TENM3: variants seen among roughly 807,000 people sequenced by gnomAD.
The protein encoded by TENM3 is teneurin-3.
TENM3 carries 63 observed loss-of-function variants against 255.1 expected under a neutral mutation model. That is an observed-to-expected ratio of 0.25 (90% CI 0.20 to 0.30). The LOEUF (loss-of-function observed/expected upper bound fraction) is 0.30, where lower values mean the gene tolerates loss of function less well. TENM3 is among the 10% of genes least tolerant of loss of function. TENM3 has a pLI of 1.00. For synonymous variants in TENM3, 1,306 were observed against 1,322.3 expected, an observed-to-expected ratio of 0.99 and a Z score of 0.27; for missense variants, 2,929 against 3,461.1, an observed-to-expected ratio of 0.85 and a Z score of 3.86.
the TENM3 span, among the ~76,000 whole-genome samples, chr4:181,687,364 C>A: frequency 6.6e-6 from 1 of 152,144 alleles, no homozygotes; most frequent in Non-Finnish European, 1.5e-5. Context: ...TCAAAATTAG[C>A]TTGGCTGAAA....
chr4:181,834,977 G>A, the TENM3 span: 1 of 152,116 alleles, frequency 6.6e-6, no homozygotes, highest in Non-Finnish European at 1.5e-5. Flanking sequence ...TTTTGACTGA[G>A]CATTCTGCCT....
chr4:181,673,233 AAC>A, the TENM3 span, among the ~76,000 whole-genome samples: 313 of 137,726 alleles, frequency 2.3e-3, no homozygotes, highest in South Asian at 0.014. Context: ...TAGTGTCGCA[AAC>A]ATATTTCTAT....
intron 1 of TENM3, among the ~76,000 whole-genome samples, chr4:182,257,753 A>G (rs1240582791): frequency 6.6e-6 from 1 of 152,144 alleles, no homozygotes; most frequent in Non-Finnish European, 1.5e-5. Context: ...CATTTTACTG[A>G]AGAGAAATGT....
intron 3 of TENM3, among the ~76,000 whole-genome samples, chr4:182,349,024 C>G (rs1296014735): frequency 6.6e-6 from 1 of 152,136 alleles, no homozygotes; most frequent in African/African-American, 2.4e-5. Flanking sequence ...CAAGTAGTGG[C>G]TAGGAAGCAG....
At chr4:182,280,280 C>A (rs1760292770) in intron 1 of TENM3, among the ~76,000 whole-genome samples, 1 of 152,234 alleles carries the variant, frequency 6.6e-6, no homozygotes, top group Admixed American at 6.5e-5. Context: ...TCAAGGTGGG[C>A]CACATAAATT....
intron 1 of TENM3, among the ~76,000 whole-genome samples, chr4:182,214,233 G>A (rs1237893010): frequency 2.0e-5 from 3 of 152,152 alleles, no homozygotes; most frequent in Non-Finnish European, 2.9e-5. Flanking sequence ...CATCATCCTA[G>A]TTTTCACTAC....
chr4:181,599,382 C>T, the TENM3 span, among the ~76,000 whole-genome samples: 2,918 of 152,226 alleles, frequency 0.019, 95 homozygotes, highest in African/African-American at 0.066. Context: ...ACTGTAACGT[C>T]GATGGTTAAG....
At chr4:182,323,692 T>A (rs778683274) in intron 1 of TENM3, among the ~76,000 whole-genome samples, 27 of 152,172 alleles carry the variant, frequency 1.8e-4, no homozygotes, top group Non-Finnish European at 3.5e-4. Context: ...ATTTTTTTTT[T>A]GTATTAATGG....
the TENM3 span, among the ~76,000 whole-genome samples, chr4:182,008,207 T>A: frequency 4.9e-4 from 75 of 152,216 alleles, no homozygotes; most frequent in African/African-American, 1.7e-3. Context: ...TGTCTTGGGG[T>A]TGATCTTCTC....
At position 182,276,068 on chromosome 4, in the gene TENM3, C is replaced by T. The variant is rs183081065; in HGVS notation, c.-76+32592C>T. Among the ~76,000 whole-genome samples the T allele has an allele frequency of 2.6e-4, 40 of 152,260 alleles. 1 individual carries two copies. The highest frequency in any genetic ancestry group is 2.2e-3 in the Admixed American group (34 of 15,294). On this transcript the variant is annotated intron_variant, in intron 1 of 27. Coordinates refer to ENST00000511685, the MANE Select transcript of TENM3 (RefSeq NM_001080477.4). ...TCTCAGGAGTGAATTTGCACTGAGA[C>T]CTGAGTAATGAGAAGTCTCCAGCTG... is the stretch of plus-strand genomic sequence containing the variant.
At chr4:181,678,156 G>T in the TENM3 span, among the ~76,000 whole-genome samples, 339 of 152,250 alleles carry the variant, frequency 2.2e-3, 1 homozygote, top group Middle Eastern at 0.01. Context: ...TGCAGCTACA[G>T]AGCCTATAAT....
At chr4:182,524,141 A>G (rs1216546566) in intron 3 of TENM3, among the ~76,000 whole-genome samples, 2 of 152,162 alleles carry the variant, frequency 1.3e-5, no homozygotes, top group East Asian at 3.9e-4. Context: ...CTATTAGAAG[A>G]CAATAGTTGC....
At chr4:182,495,278 A>G (rs1286988172) in intron 3 of TENM3, among the ~76,000 whole-genome samples, 1 of 152,200 alleles carries the variant, frequency 6.6e-6, no homozygotes, top group South Asian at 2.1e-4. Flanking sequence ...ATGCCTGAAT[A>G]ATTTTCCAGA....
At chr4:182,237,608 A>G (rs1379416443) in intron 1 of TENM3, among the ~76,000 whole-genome samples, 1 of 152,150 alleles carries the variant, frequency 6.6e-6, no homozygotes, top group African/African-American at 2.4e-5. Context: ...AGATTCTTAT[A>G]GCATCCTTTA....
chr4:182,530,487 TG>T (rs1739664620), intron 3 of TENM3, among the ~76,000 whole-genome samples: 1 of 152,196 alleles, frequency 6.6e-6, no homozygotes, highest in Non-Finnish European at 1.5e-5. Flanking sequence ...CTGTATTGCT[TG>T]GTCTCGAGTA....
At chr4:182,753,416 A>G in intron 20 of TENM3, 34 bp from the exon 21 acceptor site, 1 of 1,589,676 alleles carries the variant, frequency 6.3e-7, no homozygotes. Context: ...ACCATTTTTG[A>G]AAAATTAGTA....
chr4:181,621,937 C>A, the TENM3 span, among the ~76,000 whole-genome samples: 3 of 152,134 alleles, frequency 2.0e-5, no homozygotes, highest in South Asian at 2.1e-4. Flanking sequence ...CAGTTCAAAT[C>A]GAGCCTGTGA....
At chr4:182,779,450 G>C (rs1472291869) in intron 24 of TENM3, among the ~76,000 whole-genome samples, 1 of 152,098 alleles carries the variant, frequency 6.6e-6, no homozygotes, top group African/African-American at 2.4e-5. Flanking sequence ...TCTTAATCCA[G>C]TCTATCGTTG....
intron 4 of TENM3, among the ~76,000 whole-genome samples, chr4:182,621,727 TAAAA>T (rs1750234830): frequency 5.6e-5 from 1 of 17,862 alleles, no homozygotes; most frequent in African/African-American, 1.0e-4. Context: ...ATATTATATA[TAAAA>T]TATATAATAT....
Sources: allele counts gnomAD v4.1 joint callset (sites outside exome capture counted in the v4.1 genomes callset), GRCh38; gene constraint gnomAD v4.1.1; transcripts MANE v1.5; gene names NCBI Gene and HGNC (gene_info 2026-07-23, HGNC 2026-07-21).